KSR2: variants seen among roughly 807,000 people sequenced by gnomAD.
KSR2 encodes the protein kinase suppressor of ras 2.
A neutral mutation model predicts 107.8 loss-of-function variants in KSR2; 25 were observed. The observed-to-expected ratio is 0.23, with a 90% CI of 0.17 to 0.32. The LOEUF (loss-of-function observed/expected upper bound fraction) is 0.32, where lower values mean the gene tolerates loss of function less well. KSR2 is among the 10% of genes least tolerant of loss of function. KSR2 has a pLI of 1.00. For missense variants in KSR2, 887 were observed against 1,268.9 expected, an observed-to-expected ratio of 0.70 and a Z score of 4.57; for synonymous variants, 480 against 507.0, an observed-to-expected ratio of 0.95 and a Z score of 0.71.
intron 3 of KSR2, among the ~76,000 whole-genome samples, chr12:117,807,615 T>C (rs1199374369): frequency 3.3e-5 from 5 of 152,200 alleles, no homozygotes; most frequent in Admixed American, 2.6e-4. Context: ...GAAATATTTC[T>C]AGGGGAGGAA....
chr12:117,641,551 T>C (rs1394728533), intron 5 of KSR2, among the ~76,000 whole-genome samples: 1 of 152,140 alleles, frequency 6.6e-6, no homozygotes, highest in Non-Finnish European at 1.5e-5. Flanking sequence ...TGTGTCTGAA[T>C]TTCCTTCTTT....
intron 7 of KSR2, among the ~76,000 whole-genome samples, chr12:117,569,048 C>A (rs1165734498): frequency 6.6e-6 from 1 of 152,194 alleles, no homozygotes; most frequent in Non-Finnish European, 1.5e-5. Flanking sequence ...CATTTCCCCA[C>A]TTTTTAAGGT....
intron 3 of KSR2, among the ~76,000 whole-genome samples, chr12:117,810,092 G>A (rs1891143708): frequency 6.6e-6 from 1 of 152,064 alleles, no homozygotes; most frequent in Non-Finnish European, 1.5e-5. Flanking sequence ...CTCAAGGACT[G>A]GCCACCAGTG....
intron 1 of KSR2, among the ~76,000 whole-genome samples, chr12:117,880,904 A>G (rs1306397186): frequency 2.6e-5 from 4 of 151,794 alleles, no homozygotes; most frequent in Admixed American, 6.6e-5. Context: ...TCCTGATCTC[A>G]GGTGATCTGC....
At chr12:117,916,473 A>G (rs1391052517) in intron 1 of KSR2, among the ~76,000 whole-genome samples, 1 of 152,192 alleles carries the variant, frequency 6.6e-6, no homozygotes, top group Admixed American at 6.5e-5. Flanking sequence ...AATTTTTTAA[A>G]TGGAACACAG....
chr12:117,647,188 T>C (rs1008950516), intron 5 of KSR2, among the ~76,000 whole-genome samples: 4 of 152,098 alleles, frequency 2.6e-5, no homozygotes, highest in Non-Finnish European at 4.4e-5. Flanking sequence ...AGGGTTTTAC[T>C]CTCCCTGTTA....
At chr12:117,610,328 G>A (rs952728561) in intron 5 of KSR2, among the ~76,000 whole-genome samples, 8 of 152,068 alleles carry the variant, frequency 5.3e-5, no homozygotes, top group Non-Finnish European at 8.8e-5. Flanking sequence ...GATTGTTTTA[G>A]AATAACAGAA....
chr12:117,627,225 G>T (rs193185038), intron 5 of KSR2, among the ~76,000 whole-genome samples: 31 of 152,258 alleles, frequency 2.0e-4, no homozygotes, highest in African/African-American at 7.5e-4. Context: ...TGTTATGTGT[G>T]AATTTGATCC....
At chr12:117,893,565 C>G (rs1894413074) in intron 1 of KSR2, among the ~76,000 whole-genome samples, 1 of 152,156 alleles carries the variant, frequency 6.6e-6, no homozygotes, top group Non-Finnish European at 1.5e-5. Flanking sequence ...AGATTTGGGT[C>G]AAGTCCCACA....
chr12:117,741,478 T>C (rs542305761), intron 4 of KSR2, among the ~76,000 whole-genome samples: 1 of 152,268 alleles, frequency 6.6e-6, no homozygotes, highest in East Asian at 1.9e-4. Flanking sequence ...TGAGCTAGGA[T>C]TGCACCACTG....
At chr12:117,952,155 T>TCACACA (rs112314585) in intron 1 of KSR2, among the ~76,000 whole-genome samples, 5,648 of 147,362 alleles carry the variant, frequency 0.038, 192 homozygotes, top group African/African-American at 0.08. Flanking sequence ...AATGTTCTCA[T>TCACACA]CACACACACA....
chr12:117,837,421 G>A (rs1358784090), intron 3 of KSR2, among the ~76,000 whole-genome samples: 1 of 152,144 alleles, frequency 6.6e-6, no homozygotes, highest in Non-Finnish European at 1.5e-5. Context: ...AGCGCCTCCT[G>A]GTGGCCAAAC....
intron 14 of KSR2, among the ~76,000 whole-genome samples, chr12:117,502,797 C>G (rs954636322): frequency 6.6e-6 from 1 of 152,034 alleles, no homozygotes; most frequent in African/African-American, 2.4e-5. Flanking sequence ...AATAAAACAC[C>G]CTGATTTCAC....
chr12:117,925,930 G>GAAAA (rs1176075119), intron 1 of KSR2, among the ~76,000 whole-genome samples: 7 of 152,094 alleles, frequency 4.6e-5, no homozygotes, highest in Admixed American at 3.9e-4. Flanking sequence ...AAACAACAGA[G>GAAAA]AAAAGCCTGT....
rs551952494 is a variant in KSR2, at chr12:117,654,497, T to C, written c.1171+12977A>G. 3.9e-4 allele frequency among the ~76,000 whole-genome samples: 60 copies of C among 152,280 alleles called. 3 individuals are homozygous for C. The highest frequency in any genetic ancestry group is 3.4e-3 in the Middle Eastern group (1 of 294). Reference sequence around the variant, plus strand: ...TGCACAGCTGCAGCACTACAGCCCCTTTCTAGGACATCCCTGAAGGACAGT... The same window carrying C: ...TGCACAGCTGCAGCACTACAGCCCCCTTCTAGGACATCCCTGAAGGACAGT... On this transcript the variant is annotated intron_variant, in intron 5 of 19. Coordinates refer to ENST00000339824, the MANE Select transcript of KSR2 (RefSeq NM_173598.6).
chr12:117,683,103 G>A (rs1885438051), intron 4 of KSR2, among the ~76,000 whole-genome samples: 1 of 152,104 alleles, frequency 6.6e-6, no homozygotes, highest in Non-Finnish European at 1.5e-5. Flanking sequence ...TTGGGGAGTA[G>A]ATACTTCGTT....
At chr12:117,860,266 G>A (rs1173711233) in intron 2 of KSR2, 25 bp downstream of exon 2, 2 of 1,599,356 alleles carry the variant, frequency 1.3e-6, no homozygotes, top group Non-Finnish European at 1.7e-6. Flanking sequence ...TAAGGGGCAG[G>A]GGACACAGGG....
At chr12:117,629,923 AAACAAGC>A (rs1427996638) in intron 5 of KSR2, among the ~76,000 whole-genome samples, 1 of 152,198 alleles carries the variant, frequency 6.6e-6, no homozygotes, top group East Asian at 1.9e-4. Context: ...ACCTTTAGCA[AAACAAGC>A]AACAGCAAGT....
intron 7 of KSR2, among the ~76,000 whole-genome samples, chr12:117,571,526 T>A (rs1452334072): frequency 6.6e-6 from 1 of 152,032 alleles, no homozygotes; most frequent in East Asian, 1.9e-4. Flanking sequence ...AGCTGCAAGG[T>A]ACGAGCCATT....
Sources: allele counts gnomAD v4.1 joint callset (sites outside exome capture counted in the v4.1 genomes callset), GRCh38; gene constraint gnomAD v4.1.1; transcripts MANE v1.5; gene names NCBI Gene and HGNC (gene_info 2026-07-23, HGNC 2026-07-21).